The following TMEM98 variants were observed in gnomAD, a reference collection of about 807,000 sequenced individuals.
The protein encoded by TMEM98 is transmembrane protein 98.
TMEM98 carries 18 observed loss-of-function variants against 25.0 expected under a neutral mutation model. The ratio of observed to expected loss-of-function variants is 0.72; its 90% CI spans 0.50 to 1.07. The LOEUF (loss-of-function observed/expected upper bound fraction) is 1.07. TMEM98 is among the 50% of genes least tolerant of loss of function. The pLI is 0.00. For synonymous variants in TMEM98, 103 were observed against 112.4 expected, an observed-to-expected ratio of 0.92 and a Z score of 0.53; for missense variants, 241 against 289.0, an observed-to-expected ratio of 0.83 and a Z score of 1.20.
chr17:32,936,267 T>G lies in TMEM98; in HGVS notation c.298-65T>G, dbSNP rs935538382. The G allele has an allele frequency of 3.8e-6, 5 of 1,312,124 alleles. No homozygotes were observed. The African/African-American group carries it at 4.4e-5, about 11-fold the overall frequency. 81.3% of individuals were successfully genotyped at this position (1,312,124 alleles called of 1,614,324 possible). ...CTCACGGCAGGGCTGATTTGTCTCGTGGGGGTGGCGAGGCCCTGAGTGGAG... is the reference window on the plus strand; with the variant it reads ...CTCACGGCAGGGCTGATTTGTCTCGGGGGGGTGGCGAGGCCCTGAGTGGAG... On this transcript the variant is annotated intron_variant, in intron 5 of 7. Transcript: ENST00000579849.
In TMEM98 at chr17:32,936,833, G is replaced by T. The variant is rs114630437; in HGVS notation, c.413+386G>T. Among the ~76,000 whole-genome samples, 1,232 of 152,322 alleles carry T rather than the reference G, an allele frequency of 8.1e-3. 19 individuals are homozygous for T. Among genetic ancestry groups the T allele is most frequent in the African/African-American group, 0.028 (1,172 of 41,574 alleles). On this transcript the variant is annotated intron_variant, in intron 6 of 7. Coordinates refer to ENST00000579849, the MANE Select transcript of TMEM98 (RefSeq NM_015544.3). ...CACAGATGCCCACACCCCTGTCTCT[G>T]CCTGAATCTGTGTTGGAGACTAGCT... is the stretch of plus-strand genomic sequence containing the variant.
intron 3 of TMEM98, among the ~76,000 whole-genome samples, chr17:32,932,403 C>T (rs947661777): frequency 2.0e-5 from 3 of 152,044 alleles, no homozygotes; most frequent in Non-Finnish European, 4.4e-5. Context: ...GCTTGGCCTG[C>T]CCAGCAGATT....
chr17:32,933,918 T>C (rs2091482491), intron 4 of TMEM98, among the ~76,000 whole-genome samples: 1 of 152,154 alleles, frequency 6.6e-6, no homozygotes, highest in African/African-American at 2.4e-5. Context: ...ATGGAAGATA[T>C]CACAGAGGAG....
intron 5 of TMEM98, among the ~76,000 whole-genome samples, chr17:32,935,257 A>G (rs1355211910): frequency 1.3e-5 from 2 of 152,194 alleles, no homozygotes; most frequent in Non-Finnish European, 2.9e-5. Flanking sequence ...CTCTTTGGAT[A>G]TACAAATATG....
rs2091478861 is a variant in TMEM98 at position 32,933,181 on chromosome 17, G to T, written c.139G>T (p.Val47Leu). 1.2e-6 allele frequency: 2 copies of T among 1,614,150 alleles called. No individual in the cohort carries two copies. Among genetic ancestry groups the T allele is most frequent in the Non-Finnish European group, 1.7e-6 (2 of 1,180,008 alleles). Reference sequence around the variant, plus strand: ...GGGGGCCTTTTCTTCCAGGCCCATTGTGGACCTCATTGGTGCCATGGAGAC... The same window carrying T: ...GGGGGCCTTTTCTTCCAGGCCCATTTTGGACCTCATTGGTGCCATGGAGAC... ...LLQRYDSKPI[V>L]DLIGAMETQS... is the part of the protein sequence containing the mutation. Residue 47 changes from valine to leucine, a missense_variant, in exon 4 of 8, where the codon GTG becomes TTG. Physicochemically the swap from Val to Leu is conservative, Grantham distance 32. Transcript: ENST00000579849.
At chr17:32,937,506 G>A (rs775182063) in intron 6 of TMEM98, among the ~76,000 whole-genome samples, 1 of 152,192 alleles carries the variant, frequency 6.6e-6, no homozygotes, top group African/African-American at 2.4e-5. Flanking sequence ...CCAGTGGGCT[G>A]TAGCCACATG....
In TMEM98 at chr17:32,929,871, T is replaced by C. The variant is rs148070915; in HGVS notation, c.-130-1456T>C. Among the ~76,000 whole-genome samples the C allele has an allele frequency of 9.0e-4, 137 of 152,294 alleles. No homozygotes were observed. In the East Asian group the frequency reaches 0.019, roughly 21 times the overall value. ...TCATGCAAGCACAGTTACTCTCTTT[T>C]CTGTGTTCTTCTGCAGGAAGCACAG... On this transcript the variant is annotated intron_variant, in intron 1 of 7. Transcript: ENST00000579849.
At chr17:32,928,749 G>A (rs1267842593) in intron 1 of TMEM98, among the ~76,000 whole-genome samples, 3 of 147,752 alleles carry the variant, frequency 2.0e-5, no homozygotes, top group Non-Finnish European at 3.0e-5. Context: ...AAACACTCAG[G>A]TCACACACAC....
At chr17:32,930,730 AAT>A (rs10600747) in intron 1 of TMEM98, among the ~76,000 whole-genome samples, 101,736 of 151,932 alleles carry the variant, frequency 0.67, 35,338 homozygotes, top group African/African-American at 0.86. Context: ...TGGGATTACT[AAT>A]ATGTCCACTT....
chr17:32,941,032 G>T lies in TMEM98; in HGVS notation c.*39G>T, dbSNP rs759000255. ...GCAGCTAGCCATGAAGGCCCCTGCCGCCATCCCTGGATGGCTCAGCTTAGC... is the reference window on the plus strand; with the variant it reads ...GCAGCTAGCCATGAAGGCCCCTGCCTCCATCCCTGGATGGCTCAGCTTAGC... On this transcript the variant is annotated 3_prime_UTR_variant, in exon 8 of 8. Transcript: ENST00000579849. 1.3e-6 allele frequency: 2 copies of T among 1,534,980 alleles called. No individual in the cohort carries two copies. Among genetic ancestry groups the T allele is most frequent in the Admixed American group, 3.8e-5 (2 of 52,314 alleles).
At position 32,943,391 on chromosome 17, in the gene TMEM98, G is replaced by A. The variant is rs1019437241; in HGVS notation, c.*2398G>A. 1 of 152,228 alleles carries A rather than the reference G, an allele frequency of 6.6e-6. No individual in the cohort carries two copies. Among genetic ancestry groups the A allele is most frequent in the African/African-American group, 2.4e-5 (1 of 41,432 alleles). 9.4% of individuals were successfully genotyped at this position (152,228 alleles called of 1,614,324 possible). ...GGAAGGGGCTGGTTAGTGAGTGCCA[G>A]GGATCTCAGGACTGTCTCTGTGCCA... On this transcript the variant is annotated 3_prime_UTR_variant, in exon 8 of 8. Transcript: ENST00000579849.
At chr17:32,936,031 G>A (rs2091494236) in intron 5 of TMEM98, among the ~76,000 whole-genome samples, 1 of 152,166 alleles carries the variant, frequency 6.6e-6, no homozygotes, top group Non-Finnish European at 1.5e-5. Context: ...TTTCCCCTAA[G>A]TGAGAAGGTG....
intron 3 of TMEM98, among the ~76,000 whole-genome samples, chr17:32,932,094 ATTTTTTTTTT>A (rs774760952): frequency 5.0e-5 from 6 of 118,992 alleles, no homozygotes; most frequent in Non-Finnish European, 1.0e-4. Flanking sequence ...TGCACAGCAG[ATTTTTTTTTT>A]TTTTTTTTTT....
At chr17:32,937,590 T>A (rs1019814385) in intron 6 of TMEM98, among the ~76,000 whole-genome samples, 2 of 152,076 alleles carry the variant, frequency 1.3e-5, no homozygotes, top group African/African-American at 4.8e-5. Context: ...CCCATTATTT[T>A]ATTTATTTAT....
At chr17:32,933,379 A>G in intron 4 of TMEM98, 74 bp downstream of exon 4, 5 of 1,592,556 alleles carry the variant, frequency 3.1e-6, no homozygotes, top group Non-Finnish European at 4.3e-6. Flanking sequence ...TTGCCAGAGC[A>G]CTTAGCTGGC....
At chr17:32,929,095 AC>A (rs1482048653) in intron 1 of TMEM98, among the ~76,000 whole-genome samples, 1 of 151,890 alleles carries the variant, frequency 6.6e-6, no homozygotes, top group African/African-American at 2.4e-5. Flanking sequence ...CAATCAGCTC[AC>A]ACCCACTCAA....
chr17:32,941,202 G>C lies in TMEM98; in HGVS notation c.*209G>C. ...TGGTGAGTGGCAGTCTAATACTACA[G>C]TTAGGGGAGATGCCATTCACTCTCT... On this transcript the variant is annotated 3_prime_UTR_variant, in exon 8 of 8. Coordinates refer to ENST00000579849, the MANE Select transcript of TMEM98 (RefSeq NM_015544.3). The C allele has an allele frequency of 2.0e-6, 1 of 495,862 alleles. No homozygotes were observed. Among genetic ancestry groups the C allele is most frequent in the Non-Finnish European group, 3.6e-6 (1 of 279,782 alleles). The allele number at this position is 495,862 out of a possible 1,614,324, so 30.7% of individuals were successfully genotyped here.
At chr17:32,935,436 C>T (rs1167202366) in intron 5 of TMEM98, among the ~76,000 whole-genome samples, 1 of 152,144 alleles carries the variant, frequency 6.6e-6, no homozygotes, top group Non-Finnish European at 1.5e-5. Flanking sequence ...TGAGATGAAT[C>T]AGCTGGAGGG....
intron 3 of TMEM98, among the ~76,000 whole-genome samples, chr17:32,932,809 G>C (rs2091476926): frequency 6.6e-6 from 1 of 152,194 alleles, no homozygotes; most frequent in African/African-American, 2.4e-5. Context: ...CCGCCTCTCT[G>C]TAAAATGTAG....
Sources: allele counts gnomAD v4.1 joint callset (sites outside exome capture counted in the v4.1 genomes callset), GRCh38; gene constraint gnomAD v4.1.1; transcripts MANE v1.5; gene names NCBI Gene and HGNC (gene_info 2026-07-23, HGNC 2026-07-21).